Variants in STAU1 observed in about 807,000 individuals in gnomAD.
STAU1 encodes the protein double-stranded RNA-binding protein Staufen homolog 1.
In STAU1, 13 loss-of-function variants were observed where a neutral mutation model predicts 62.9. That is an observed-to-expected ratio of 0.21 (90% CI 0.13 to 0.33). The LOEUF (loss-of-function observed/expected upper bound fraction) is 0.33. Among genes scored for constraint, STAU1 ranks in the 10% least tolerant of loss-of-function variants. The pLI is 1.00. For missense variants in STAU1, 571 were observed against 712.1 expected (o/e 0.80, Z 2.25); for synonymous variants, 269 against 265.1 (o/e 1.01, Z -0.14).
chr20:49,164,928 T>C (rs1472353852), intron 3 of STAU1, among the ~76,000 whole-genome samples: 8 of 152,224 alleles, frequency 5.3e-5, no homozygotes. Flanking sequence ...AATGTACTTT[T>C]TTGCTTTCTA....
chr20:49,159,134 G>A, intron 3 of STAU1: 6 of 1,077,582 alleles, frequency 5.6e-6, no homozygotes, highest in South Asian at 2.6e-5. Context: ...GATAAATGCT[G>A]AAGGGGAAAA....
intron 3 of STAU1, among the ~76,000 whole-genome samples, chr20:49,159,475 A>T (rs891846368): frequency 2.6e-5 from 4 of 152,214 alleles, no homozygotes; most frequent in African/African-American, 9.6e-5. Flanking sequence ...AAAGTTAATA[A>T]AGGGAATCCC....
In STAU1 at chr20:49,117,226, T is replaced by C; in HGVS notation, c.1532A>G (p.Lys511Arg). Residue 511 changes from lysine (K) to arginine (R), a missense_variant, in exon 12 of 14, where the codon AAA (lysine) becomes AGA (arginine). Transcript: ENST00000371856. This position sits in a 1 kb window ranked among gnomAD's most constrained non-coding sequence, Gnocchi z 4.6. ...AGATACAAATTCGTTCTTGTTGTTT[T>C]TGGGGAAGTCTTTGTATTCAACCTA... The part of the protein sequence containing the change: ...GFQVEYKDFP[K>R]NNKNEFVSLI... 1 of 1,614,176 alleles carries C rather than the reference T, an allele frequency of 6.2e-7. No individual in the cohort carries two copies.
chr20:49,214,018 C>T, the STAU1 span, among the ~76,000 whole-genome samples: 14 of 151,940 alleles, frequency 9.2e-5, no homozygotes, highest in South Asian at 1.0e-3. Context: ...CAAGACCAGC[C>T]TCGCCAACAT....
At chr20:49,151,174 C>A (rs1248463276) in intron 5 of STAU1, among the ~76,000 whole-genome samples, 1 of 152,152 alleles carries the variant, frequency 6.6e-6, no homozygotes, top group South Asian at 2.1e-4. Flanking sequence ...TCTATATAAT[C>A]AAGAGTGGCT....
intron 5 of STAU1, among the ~76,000 whole-genome samples, chr20:49,141,628 C>T (rs1396951030): frequency 6.6e-6 from 1 of 152,198 alleles, no homozygotes; most frequent in Admixed American, 6.5e-5. Context: ...GGCGAGGTGG[C>T]TCATGCCTGT....
At chr20:49,214,852 T>G in the STAU1 span, among the ~76,000 whole-genome samples, 67 of 152,304 alleles carry the variant, frequency 4.4e-4, no homozygotes, top group African/African-American at 1.6e-3. Flanking sequence ...GGGTTAGAAT[T>G]TCAACACATG....
chr20:49,186,044 C>T (rs1396838594), intron 1 of STAU1, among the ~76,000 whole-genome samples: 4 of 152,100 alleles, frequency 2.6e-5, no homozygotes, highest in Admixed American at 2.0e-4. Context: ...CGTGATCCAC[C>T]CGCCTCGGCC....
rs939617720 is a variant in STAU1 at position 49,117,475 on chromosome 20, A to G, written c.1510-227T>C. Among the ~76,000 whole-genome samples the G allele has an allele frequency of 6.6e-6, 1 of 152,236 alleles. No homozygotes were observed. Among genetic ancestry groups the G allele is most frequent in the Admixed American group, 6.5e-5 (1 of 15,284 alleles). On this transcript the variant is annotated intron_variant, in intron 11 of 13. Coordinates refer to ENST00000371856, the MANE Select transcript of STAU1 (RefSeq NM_017453.4). This position sits in a 1 kb window ranked among gnomAD's most constrained non-coding sequence, Gnocchi z 4.6. ...AGCCATATCCTTTCCTACCAGACAGAAAGTGTCAGCACGATGAGTCTGTTC... is the reference window on the plus strand; with the variant it reads ...AGCCATATCCTTTCCTACCAGACAGGAAGTGTCAGCACGATGAGTCTGTTC...
intron 5 of STAU1, among the ~76,000 whole-genome samples, chr20:49,148,048 GA>G (rs1285310561): frequency 2.0e-5 from 3 of 151,158 alleles, no homozygotes; most frequent in Non-Finnish European, 3.0e-5. Context: ...CTATTTTTAA[GA>G]AAAAAAAAGT....
chr20:49,197,404 T>C, the STAU1 span, among the ~76,000 whole-genome samples: 6 of 115,272 alleles, frequency 5.2e-5, no homozygotes, highest in Non-Finnish European at 1.0e-4. Flanking sequence ...TCTTTTTCTT[T>C]TCTTTTTTTT....
intron 6 of STAU1, among the ~76,000 whole-genome samples, chr20:49,126,588 C>CAAAAAAAAACAAAACAAAACA (rs2092624563): frequency 1.8e-5 from 1 of 56,348 alleles, no homozygotes; most frequent in Non-Finnish European, 3.7e-5. Context: ...AAAAAAAAAA[C>CAAAAAAAAACAAAACAAAACA]AAAAAAAAAA....
At chr20:49,218,573 A>C in the STAU1 span, among the ~76,000 whole-genome samples, 3 of 151,936 alleles carry the variant, frequency 2.0e-5, no homozygotes, top group South Asian at 2.1e-4. Flanking sequence ...AACAAAAAAA[A>C]CATGATGGGG....
the STAU1 span, among the ~76,000 whole-genome samples, chr20:49,204,639 TATA>T: frequency 5.0e-5 from 3 of 59,896 alleles, no homozygotes; most frequent in African/African-American, 1.6e-4. Flanking sequence ...TATATATATA[TATA>T]TATATTTTTT....
chr20:49,130,364 G>A (rs2092724453), intron 6 of STAU1, among the ~76,000 whole-genome samples: 1 of 152,178 alleles, frequency 6.6e-6, no homozygotes, highest in Non-Finnish European at 1.5e-5. Context: ...GAGATGTTCT[G>A]TTTTGACTAT....
intron 3 of STAU1, among the ~76,000 whole-genome samples, chr20:49,163,840 T>C (rs1051921806): frequency 2.7e-5 from 4 of 150,884 alleles, no homozygotes; most frequent in Admixed American, 6.6e-5. Flanking sequence ...TCACAGTTCA[T>C]TGCAGCCTCA....
chr20:49,196,444 C>CAAAAAA, the STAU1 span, among the ~76,000 whole-genome samples: 62 of 91,518 alleles, frequency 6.8e-4, no homozygotes, highest in African/African-American at 1.4e-3. Flanking sequence ...CAAAACAAAA[C>CAAAAAA]AAAAAAAAAA....
At chr20:49,194,178 C>G in the STAU1 span, among the ~76,000 whole-genome samples, 1 of 151,954 alleles carries the variant, frequency 6.6e-6, no homozygotes, top group Non-Finnish European at 1.5e-5. Context: ...CCTGTAATCC[C>G]AGCACTTTGA....
At chr20:49,185,399 T>C (rs1355642002) in intron 1 of STAU1, among the ~76,000 whole-genome samples, 1 of 152,220 alleles carries the variant, frequency 6.6e-6, no homozygotes, top group African/African-American at 2.4e-5. Flanking sequence ...AGCAGCAAGG[T>C]TGTATTTTGA....
Sources: allele counts gnomAD v4.1 joint callset (sites outside exome capture counted in the v4.1 genomes callset), GRCh38; gene constraint gnomAD v4.1.1; non-coding constraint Gnocchi (gnomAD v3.1); transcripts MANE v1.5; gene names NCBI Gene and HGNC (gene_info 2026-07-23, HGNC 2026-07-21).